The following ZMIZ1 variants were observed in gnomAD, a reference collection of about 807,000 sequenced individuals.
ZMIZ1 encodes the protein zinc finger MIZ domain-containing protein 1.
ZMIZ1 carries 17 observed loss-of-function variants against 113.9 expected under a neutral mutation model. The ratio of observed to expected loss-of-function variants is 0.15; its 90% CI spans 0.10 to 0.22. ZMIZ1 has a LOEUF of 0.22. ZMIZ1 is among the 10% of genes least tolerant of loss of function. ZMIZ1 has a pLI of 1.00. For synonymous variants in ZMIZ1, 607 were observed against 603.1 expected, an observed-to-expected ratio of 1.01 and a Z score of -0.09; for missense variants, 1,059 against 1,477.8, an observed-to-expected ratio of 0.72 and a Z score of 4.65.
chr10:79,163,843 G>A (rs1846210627), intron 4 of ZMIZ1, among the ~76,000 whole-genome samples: 1 of 152,212 alleles, frequency 6.6e-6, no homozygotes, highest in Non-Finnish European at 1.5e-5. Flanking sequence ...GGGCCTGCCT[G>A]CAACTCGATA....
At chr10:79,166,027 T>C (rs1228493909) in intron 4 of ZMIZ1, among the ~76,000 whole-genome samples, 2 of 150,722 alleles carry the variant, frequency 1.3e-5, no homozygotes, top group African/African-American at 2.4e-5. Context: ...GGTGGGGCAG[T>C]GGGTCCATCT....
At chr10:79,272,252 C>T (rs1019691925) in intron 7 of ZMIZ1, among the ~76,000 whole-genome samples, 1 of 152,028 alleles carries the variant, frequency 6.6e-6, no homozygotes, top group Admixed American at 6.6e-5. Context: ...CACCACTGCA[C>T]TCCAGCCTGG....
At chr10:79,229,068 T>C (rs1250232032) in intron 7 of ZMIZ1, among the ~76,000 whole-genome samples, 7 of 152,226 alleles carry the variant, frequency 4.6e-5, no homozygotes, top group Admixed American at 4.6e-4. Context: ...TCCACTGAGC[T>C]TGGGGTCCCA....
At chr10:79,237,863 G>C (rs912379386) in intron 7 of ZMIZ1, among the ~76,000 whole-genome samples, 2 of 148,274 alleles carry the variant, frequency 1.3e-5, no homozygotes, top group Admixed American at 6.6e-5. Context: ...TTTTACAAAG[G>C]AGGAGGTCGA....
At position 79,305,243 on chromosome 10, in the gene ZMIZ1, C is replaced by A. The variant is rs369090838; in HGVS notation, c.2354+12C>A. 3.1e-6 allele frequency: 5 copies of A among 1,613,456 alleles called. No individual in the cohort carries two copies. The African/African-American group carries it at 4.0e-5, about 13-fold the overall frequency. On this transcript the variant is annotated intron_variant, in intron 20 of 24. Coordinates refer to ENST00000334512, the MANE Select transcript of ZMIZ1 (RefSeq NM_020338.4). ...TGTCCTGTGTGCAAGTGAGTGATGC[C>A]CACCCCGGTGGGGGCTTCCCCCATC...
chr10:79,155,927 G>A (rs1433314389), intron 3 of ZMIZ1, among the ~76,000 whole-genome samples: 1 of 152,208 alleles, frequency 6.6e-6, no homozygotes, highest in Non-Finnish European at 1.5e-5. Context: ...GGGCTGGCCC[G>A]CCAGCACTCT....
At chr10:79,277,489 C>A (rs891152744) in intron 8 of ZMIZ1, among the ~76,000 whole-genome samples, 164 bp downstream of exon 8, 1 of 152,214 alleles carries the variant, frequency 6.6e-6, no homozygotes, top group African/African-American at 2.4e-5. Flanking sequence ...AGCCCTGTTT[C>A]TCCCTCTCAA....
intron 1 of ZMIZ1, among the ~76,000 whole-genome samples, chr10:79,100,287 A>G (rs971473419): frequency 2.5e-4 from 38 of 152,036 alleles, no homozygotes; most frequent in African/African-American, 8.4e-4. Flanking sequence ...AGCCCAAAGG[A>G]TGAGTTGGGG....
chr10:79,114,082 T>C (rs35273092), intron 1 of ZMIZ1, among the ~76,000 whole-genome samples: 26,380 of 152,200 alleles, frequency 0.17, 2,494 homozygotes, highest in Middle Eastern at 0.29. Context: ...GTGCTGCCCC[T>C]CTGACTGCTG....
At chr10:79,229,324 G>A (rs1054738246) in intron 7 of ZMIZ1, among the ~76,000 whole-genome samples, 2 of 152,264 alleles carry the variant, frequency 1.3e-5, no homozygotes, top group Non-Finnish European at 2.9e-5. Flanking sequence ...GTGCTGTTCT[G>A]AGCCCAGAGA....
At chr10:79,100,140 A>T (rs1843309557) in intron 1 of ZMIZ1, among the ~76,000 whole-genome samples, 1 of 152,100 alleles carries the variant, frequency 6.6e-6, no homozygotes, top group Non-Finnish European at 1.5e-5. Flanking sequence ...CTGGGCATGT[A>T]CTACCTGTAG....
chr10:79,238,279 C>A (rs1466873803), intron 7 of ZMIZ1, among the ~76,000 whole-genome samples: 1 of 152,146 alleles, frequency 6.6e-6, no homozygotes, highest in African/African-American at 2.4e-5. Flanking sequence ...GTATTGTTTT[C>A]AAAATGAAAC....
chr10:79,263,146 GAC>G (rs993548477), intron 7 of ZMIZ1, among the ~76,000 whole-genome samples: 6 of 152,270 alleles, frequency 3.9e-5, no homozygotes, highest in African/African-American at 1.4e-4. Context: ...GTGGCGCAGT[GAC>G]AGAGATGGTG....
At chr10:79,194,587 C>G (rs994053557) in intron 4 of ZMIZ1, among the ~76,000 whole-genome samples, 2 of 152,216 alleles carry the variant, frequency 1.3e-5, no homozygotes, top group Non-Finnish European at 2.9e-5. Context: ...ATGCTTCTCT[C>G]CTTGCTGACT....
chr10:79,161,715 C>G (rs1344655888), intron 3 of ZMIZ1, among the ~76,000 whole-genome samples: 1 of 152,214 alleles, frequency 6.6e-6, no homozygotes, highest in Non-Finnish European at 1.5e-5. Flanking sequence ...CATCAGCATG[C>G]TTGCTGAATG....
chr10:79,282,344 G>C (rs1445647597), intron 8 of ZMIZ1, among the ~76,000 whole-genome samples: 1 of 152,218 alleles, frequency 6.6e-6, no homozygotes, highest in Non-Finnish European at 1.5e-5. Context: ...GGTGAGCTGG[G>C]ACAGTTGAGA....
At chr10:79,233,365 G>A (rs571684011) in intron 7 of ZMIZ1, among the ~76,000 whole-genome samples, 8 of 152,240 alleles carry the variant, frequency 5.3e-5, no homozygotes, top group Non-Finnish European at 1.2e-4. Context: ...TGTTGCAGAG[G>A]CAAGATCAGG....
intron 2 of ZMIZ1, among the ~76,000 whole-genome samples, chr10:79,122,964 C>T (rs751873340): frequency 1.2e-4 from 19 of 152,176 alleles, no homozygotes; most frequent in Non-Finnish European, 2.4e-4. Flanking sequence ...CCTGGTAGAG[C>T]GCAGAGGTCC....
intron 4 of ZMIZ1, among the ~76,000 whole-genome samples, chr10:79,187,240 T>C (rs1302288051): frequency 6.6e-6 from 1 of 152,256 alleles, no homozygotes; most frequent in East Asian, 1.9e-4. Context: ...GTCTGAGCGC[T>C]GTAGTCACAC....
Sources: gnomAD v4.1 joint callset for allele counts (sites outside exome capture counted in the v4.1 genomes callset) on GRCh38, gnomAD v4.1.1 for gene constraint, MANE v1.5 for transcripts, NCBI Gene and HGNC (gene_info 2026-07-23, HGNC 2026-07-21) for gene names.